Variants in DOCK8 observed in about 807,000 individuals in gnomAD.
DOCK8 encodes the protein dedicator of cytokinesis protein 8.
Under a neutral mutation model 245.6 loss-of-function variants are expected in DOCK8, and 141 were observed. The ratio of observed to expected loss-of-function variants is 0.57; its 90% CI spans 0.50 to 0.66. The LOEUF (loss-of-function observed/expected upper bound fraction) is 0.66. Among genes scored for constraint, DOCK8 ranks in the 30% least tolerant of loss-of-function variants. DOCK8 has a pLI of 0.00. For missense variants in DOCK8, 2,965 were observed against 2,603.4 expected (o/e 1.14, Z -3.02); for synonymous variants, 1,168 against 970.2 (o/e 1.20, Z -3.79).
chr9:390,635 C>G, intron 24 of DOCK8, 69 bp downstream of exon 24: 1 of 1,493,864 alleles, frequency 6.7e-7, no homozygotes, highest in Non-Finnish European at 9.3e-7. Context: ...AAGGAATTGA[C>G]ATTTTGTTCA....
chr9:440,421 C>T (rs1380053485), intron 40 of DOCK8, among the ~76,000 whole-genome samples: 1 of 152,220 alleles, frequency 6.6e-6, no homozygotes, highest in Admixed American at 6.5e-5. Flanking sequence ...TTCATCTATA[C>T]TATACTCATC....
intron 14 of DOCK8, among the ~76,000 whole-genome samples, chr9:359,803 CAAAAAAAAAAA>C (rs67236172): frequency 9.2e-6 from 1 of 108,518 alleles, no homozygotes; most frequent in Admixed American, 9.6e-5. Flanking sequence ...TCTGTCTTTG[CAAAAAAAAAAA>C]AAAAAAAAAA....
At chr9:400,070 T>TCACCACCACCTC (rs1440956502) in intron 26 of DOCK8, among the ~76,000 whole-genome samples, 1 of 32,004 alleles carries the variant, frequency 3.1e-5, no homozygotes, top group Admixed American at 2.8e-4. Flanking sequence ...TCCTTCACCA[T>TCACCACCACCTC]CACCATCACC....
rs34098809 is a variant in DOCK8 at position 439,376 on chromosome 9, G to A, written c.5211G>A (p.Glu1737=). 5,477 of 1,613,434 alleles carry A rather than the reference G, an allele frequency of 3.4e-3. 46 individuals are homozygous for A. The highest frequency in any genetic ancestry group is 0.027 in the African/African-American group (2,027 of 75,020). Residue 1737 remains glutamate, a synonymous_variant, in exon 40 of 48, where the codon GAG becomes GAA. Transcript: ENST00000432829. ...TAGGCCTCCTGGAGCAGGCCGCGGA[G>A]CTCTTCAGCACGGTCAGTGCCCAGA... ...GLVGLLEQAA[E]LFSTGGLYET... is the part of the protein sequence containing the mutation.
At chr9:230,892 G>A (rs1427454914) in intron 1 of DOCK8, among the ~76,000 whole-genome samples, 2 of 152,068 alleles carry the variant, frequency 1.3e-5, no homozygotes, top group Non-Finnish European at 2.9e-5. Context: ...CTGTGCAGAA[G>A]CTCTTTAGTT....
chr9:233,075 C>G (rs2131378975), intron 1 of DOCK8, among the ~76,000 whole-genome samples: 1 of 152,190 alleles, frequency 6.6e-6, no homozygotes, highest in Non-Finnish European at 1.5e-5. Flanking sequence ...TGAATGTGTC[C>G]CAGAGATTCT....
intron 2 of DOCK8, among the ~76,000 whole-genome samples, chr9:278,613 G>A (rs569284857): frequency 1.3e-5 from 2 of 152,300 alleles, no homozygotes; most frequent in African/African-American, 2.4e-5. Context: ...TGGATCATCC[G>A]TGAAGGCCTC....
At position 444,723 on chromosome 9, in the gene DOCK8, G is replaced by A. The variant is rs553721012; in HGVS notation, c.5580+1207G>A. ...GGGCCCAGCATGAGTCACCTCATTA[G>A]CATCACAAAGACACCCATCACTGAG... On this transcript the variant is annotated intron_variant, in intron 43 of 47. Coordinates refer to ENST00000432829, the MANE Select transcript of DOCK8 (RefSeq NM_203447.4). Among the ~76,000 whole-genome samples the A allele has an allele frequency of 9.2e-5, 14 of 152,278 alleles. No homozygotes were observed. The South Asian group carries it at 1.9e-3, about 20-fold the overall frequency.
intron 1 of DOCK8, chr9:215,511 C>T (rs2023402): frequency 0.3 from 417,509 of 1,378,062 alleles, 67,265 homozygotes; most frequent in African/African-American, 0.57. Flanking sequence ...AGCAAGGCTC[C>T]GTCCTCGCCT....
At chr9:403,694 T>C (rs556646111) in intron 26 of DOCK8, among the ~76,000 whole-genome samples, 3 of 151,406 alleles carry the variant, frequency 2.0e-5, no homozygotes, top group Non-Finnish European at 4.4e-5. Flanking sequence ...TTAAACCCCA[T>C]CTCTACTAAA....
chr9:327,247 G>A (rs1002548898), intron 8 of DOCK8, among the ~76,000 whole-genome samples: 1 of 152,134 alleles, frequency 6.6e-6, no homozygotes, highest in Non-Finnish European at 1.5e-5. Flanking sequence ...TCCATCTCCA[G>A]TGCTGCTTCC....
At chr9:392,395 TC>T (rs1024908120) in intron 24 of DOCK8, among the ~76,000 whole-genome samples, 6 of 152,124 alleles carry the variant, frequency 3.9e-5, no homozygotes, top group African/African-American at 1.2e-4. Context: ...TTTTGCAAAG[TC>T]CCAACCTCTG....
chr9:328,812 T>C (rs555987340), intron 9 of DOCK8, among the ~76,000 whole-genome samples: 1 of 152,190 alleles, frequency 6.6e-6, no homozygotes, highest in African/African-American at 2.4e-5. Flanking sequence ...GAGCCTTTCA[T>C]TCTAGGCTAT....
chr9:400,613 A>T (rs865811931), intron 26 of DOCK8, among the ~76,000 whole-genome samples: 21 of 67,448 alleles, frequency 3.1e-4, no homozygotes, highest in Admixed American at 6.5e-4. Flanking sequence ...CACCACCACC[A>T]CCTCCACCAC....
rs1276571468 is a variant in DOCK8 at position 390,399 on chromosome 9, G to C, written c.2875-72G>C. 6 of 1,410,170 alleles carry C rather than the reference G, an allele frequency of 4.3e-6. No individual in the cohort carries two copies. The Admixed American group carries it at 6.9e-5, about 16-fold the overall frequency. The allele number at this position is 1,410,170 out of a possible 1,614,324, so 87.4% of individuals were successfully genotyped here. A position where few individuals can be genotyped will look rare whatever the true frequency, so the allele number is the denominator to read the frequency against. On this transcript the variant is annotated intron_variant, in intron 23 of 47. Transcript: ENST00000432829. ...AGCTATTAAATTGGGGGGAATAAAAGAAAAGAAAAAAAGTGTTGGTGAATA... is the reference window on the plus strand; with the variant it reads ...AGCTATTAAATTGGGGGGAATAAAACAAAAGAAAAAAAGTGTTGGTGAATA...
chr9:333,397 T>C (rs142317576), intron 10 of DOCK8, among the ~76,000 whole-genome samples: 8,623 of 152,200 alleles, frequency 0.057, 290 homozygotes, highest in Non-Finnish European at 0.077. Flanking sequence ...GTCAGAAGAT[T>C]GAGACCATCC....
chr9:344,282 G>C (rs1281836416), intron 14 of DOCK8, among the ~76,000 whole-genome samples: 1 of 152,216 alleles, frequency 6.6e-6, no homozygotes, highest in Admixed American at 6.5e-5. Context: ...AGGAAAGAGA[G>C]AGATAATGAA....
chr9:256,329 G>C (rs2047774400), intron 1 of DOCK8, among the ~76,000 whole-genome samples: 1 of 152,214 alleles, frequency 6.6e-6, no homozygotes, highest in African/African-American at 2.4e-5. Context: ...TGCCAATACA[G>C]GCAAGAAAAT....
intron 14 of DOCK8, among the ~76,000 whole-genome samples, chr9:355,141 C>CG (rs1293709113): frequency 6.6e-6 from 1 of 150,848 alleles, no homozygotes; most frequent in African/African-American, 2.4e-5. Flanking sequence ...CTGAGGACAA[C>CG]GTGCCTCATG....
Sources: gnomAD v4.1 joint callset for allele counts (sites outside exome capture counted in the v4.1 genomes callset) on GRCh38, gnomAD v4.1.1 for gene constraint, MANE v1.5 for transcripts, NCBI Gene and HGNC (gene_info 2026-07-23, HGNC 2026-07-21) for gene names.